The following BRD10 variants were observed in gnomAD, a reference collection of about 807,000 sequenced individuals.
BRD10 encodes the protein uncharacterized bromodomain-containing protein 10.
chr9:5,960,109 A>G, the BRD10 span, among the ~76,000 whole-genome samples: 1 of 151,954 alleles, frequency 6.6e-6, no homozygotes, highest in Non-Finnish European at 1.5e-5. Flanking sequence ...TCTCTACTTG[A>G]CCTTTTATTG....
At chr9:6,008,426 G>C in the BRD10 span, among the ~76,000 whole-genome samples, 1 of 152,040 alleles carries the variant, frequency 6.6e-6, no homozygotes, top group African/African-American at 2.4e-5. Context: ...CGGCTGGGAA[G>C]AGCTGTGGAG....
the BRD10 span, among the ~76,000 whole-genome samples, chr9:5,965,280 A>G: frequency 6.6e-6 from 1 of 152,104 alleles, no homozygotes; most frequent in African/African-American, 2.4e-5. Flanking sequence ...GGTTATCGGT[A>G]ATCATTACTC....
At chr9:5,990,604 C>A in the BRD10 span, among the ~76,000 whole-genome samples, 866 of 152,186 alleles carry the variant, frequency 5.7e-3, 7 homozygotes, top group African/African-American at 0.02. Flanking sequence ...AAAGTAATAT[C>A]CTTTATTACT....
At chr9:5,982,921 T>C in the BRD10 span, among the ~76,000 whole-genome samples, 2 of 152,190 alleles carry the variant, frequency 1.3e-5, no homozygotes, top group African/African-American at 2.4e-5. Flanking sequence ...GAAATCTATA[T>C]TGTATTTTAA....
chr9:5,954,126 A>G, the BRD10 span: 1 of 1,234,020 alleles, frequency 8.1e-7, no homozygotes, highest in Non-Finnish European at 1.2e-6. Context: ...AACCTTCATA[A>G]TGCTGTTTAT....
chr9:5,926,074 C>G, the BRD10 span, among the ~76,000 whole-genome samples: 1 of 151,814 alleles, frequency 6.6e-6, no homozygotes, highest in African/African-American at 2.4e-5. Context: ...CGCGCCACCA[C>G]AACTGGCTAA....
At chr9:5,956,468 A>G in the BRD10 span, among the ~76,000 whole-genome samples, 1 of 152,168 alleles carries the variant, frequency 6.6e-6, no homozygotes, top group African/African-American at 2.4e-5. Context: ...TATCACATAC[A>G]AGACCTTGAG....
chr9:5,900,770 G>T, the BRD10 span, among the ~76,000 whole-genome samples: 1 of 152,212 alleles, frequency 6.6e-6, no homozygotes, highest in African/African-American at 2.4e-5. Context: ...TGTAGCAACA[G>T]GAAGTGGGAA....
At chr9:5,974,301 G>A in the BRD10 span, among the ~76,000 whole-genome samples, 1 of 152,142 alleles carries the variant, frequency 6.6e-6, no homozygotes, top group Admixed American at 6.5e-5. Flanking sequence ...TCATAGATGA[G>A]AGTAAGTTAA....
the BRD10 span, among the ~76,000 whole-genome samples, chr9:5,949,921 G>C: frequency 6.6e-6 from 1 of 151,938 alleles, no homozygotes; most frequent in African/African-American, 2.4e-5. Flanking sequence ...AACAGATAAA[G>C]GAAAAAGAAT....
At chr9:5,966,257 C>T in the BRD10 span, among the ~76,000 whole-genome samples, 1 of 152,028 alleles carries the variant, frequency 6.6e-6, no homozygotes, top group Non-Finnish European at 1.5e-5. Flanking sequence ...ATACAAAACT[C>T]CTCCTCCCAA....
chr9:5,932,450 T>C, the BRD10 span, among the ~76,000 whole-genome samples: 2 of 152,190 alleles, frequency 1.3e-5, no homozygotes, highest in Admixed American at 1.3e-4. Context: ...GTGTCTACAC[T>C]AAACACATAC....
the BRD10 span, among the ~76,000 whole-genome samples, chr9:5,911,939 T>G: frequency 6.6e-6 from 1 of 152,194 alleles, no homozygotes; most frequent in Non-Finnish European, 1.5e-5. Flanking sequence ...TTATTGTTAC[T>G]TTGATAGGGA....
At chr9:5,894,167 G>T in the BRD10 span, among the ~76,000 whole-genome samples, 1 of 152,124 alleles carries the variant, frequency 6.6e-6, no homozygotes, top group Non-Finnish European at 1.5e-5. This position sits in a 1 kb window ranked among gnomAD's most constrained non-coding sequence, Gnocchi z 4.0. Context: ...GCTGATGCTA[G>T]TCAGCTCAGT....
the BRD10 span, among the ~76,000 whole-genome samples, chr9:5,915,527 C>A: frequency 6.6e-6 from 1 of 152,184 alleles, no homozygotes; most frequent in Non-Finnish European, 1.5e-5. Flanking sequence ...TTTTTATAAT[C>A]ATTCCCTATG....
At chr9:5,884,028 C>G in the BRD10 span, among the ~76,000 whole-genome samples, 1 of 152,212 alleles carries the variant, frequency 6.6e-6, no homozygotes, top group Non-Finnish European at 1.5e-5. Context: ...CACGGCCAGT[C>G]AATGCTGGAG....
the BRD10 span, among the ~76,000 whole-genome samples, chr9:5,899,634 G>C: frequency 6.6e-6 from 1 of 152,260 alleles, no homozygotes; most frequent in East Asian, 1.9e-4. Context: ...GGTTAGTAGG[G>C]GAGGACTTTA....
chr9:6,007,022 C>T, the BRD10 span, among the ~76,000 whole-genome samples: 1 of 152,234 alleles, frequency 6.6e-6, no homozygotes, highest in East Asian at 1.9e-4. Context: ...GGCCCACACC[C>T]ACCACACCCC....
At chr9:5,943,026 C>G in the BRD10 span, among the ~76,000 whole-genome samples, 1 of 152,066 alleles carries the variant, frequency 6.6e-6, no homozygotes, top group African/African-American at 2.4e-5. Context: ...TACAGGCATG[C>G]ACCACCACGC....
Sources: gnomAD v4.1 joint callset for allele counts (sites outside exome capture counted in the v4.1 genomes callset) on GRCh38, gnomAD v4.1.1 for gene constraint, Gnocchi (gnomAD v3.1) non-coding constraint, MANE v1.5 for transcripts, NCBI Gene and HGNC (gene_info 2026-07-23, HGNC 2026-07-21) for gene names.